The following EVI5 variants were observed in gnomAD, a reference collection of about 807,000 sequenced individuals.
EVI5 encodes ecotropic viral integration site 5 protein homolog.
Under a neutral mutation model 112.0 loss-of-function variants are expected in EVI5, and 73 were observed. The ratio of observed to expected loss-of-function variants is 0.65; its 90% CI spans 0.54 to 0.79. The LOEUF (loss-of-function observed/expected upper bound fraction) is 0.79. EVI5 is among the 30% of genes least tolerant of loss of function. The pLI is 0.00. For synonymous variants in EVI5, 305 were observed against 319.9 expected (o/e 0.95, Z 0.50); for missense variants, 900 against 968.8 (o/e 0.93, Z 0.94).
At chr1:92,556,416 G>A (rs1667691913) in intron 19 of EVI5, among the ~76,000 whole-genome samples, 1 of 152,058 alleles carries the variant, frequency 6.6e-6, no homozygotes, top group South Asian at 2.1e-4. Context: ...AGGACATATA[G>A]TAAGTTCTCA....
At chr1:92,553,717 A>C (rs951997856) in intron 19 of EVI5, among the ~76,000 whole-genome samples, 4 of 151,474 alleles carry the variant, frequency 2.6e-5, no homozygotes, top group African/African-American at 9.7e-5. Context: ...CACAGGTGTG[A>C]GCCACCACGC....
chr1:92,757,907 C>CAAAAAAAAAAAAAAAAAAAAAAAAAAAAA (rs71091299), intron 1 of EVI5, among the ~76,000 whole-genome samples: 1 of 70,292 alleles, frequency 1.4e-5, no homozygotes. Context: ...GACTCTGCCT[C>CAAAAAAAAAAAAAAAAAAAAAAAAAAAAA]AAAAAAAAAA....
chr1:92,550,830 GAT>G (rs1305544765), intron 19 of EVI5, among the ~76,000 whole-genome samples: 4 of 42,802 alleles, frequency 9.3e-5, no homozygotes, highest in Admixed American at 5.3e-4. Context: ...AAAAACAAAA[GAT>G]ATATTCAATT....
In EVI5 at chr1:92,563,676, T is replaced by TC; in HGVS notation, c.2131dup (p.Glu711GlyfsTer12). On this transcript the variant is annotated frameshift_variant, in exon 19 of 20. Transcript: ENST00000684568. LOFTEE classifies it high-confidence loss of function. ...CAGCTCTGCTATCTGATCTTTCAGT[T>TC]CCCCAATATACTGGTTAGAATCAGA... 1 of 1,604,172 alleles carries TC rather than the reference T, an allele frequency of 6.2e-7. No individual in the cohort carries two copies. Among genetic ancestry groups the TC allele is most frequent in the Non-Finnish European group, 8.5e-7 (1 of 1,173,220 alleles).
intron 18 of EVI5, among the ~76,000 whole-genome samples, chr1:92,597,597 T>G (rs1648200644): frequency 6.6e-6 from 1 of 152,220 alleles, no homozygotes; most frequent in South Asian, 2.1e-4. Context: ...TTGATAAATG[T>G]GTGAATATAG....
At chr1:92,662,060 T>C (rs958520816) in intron 13 of EVI5, among the ~76,000 whole-genome samples, 2 of 152,314 alleles carry the variant, frequency 1.3e-5, no homozygotes, top group African/African-American at 4.8e-5. Flanking sequence ...TGAGGCTAGA[T>C]GTACAATTAG....
At chr1:92,531,877 C>T (rs1173011882) in intron 19 of EVI5, among the ~76,000 whole-genome samples, 2 of 152,176 alleles carry the variant, frequency 1.3e-5, no homozygotes, top group South Asian at 2.1e-4. Flanking sequence ...GAAACTGCAA[C>T]AACTAACGGG....
intron 9 of EVI5, among the ~76,000 whole-genome samples, chr1:92,681,631 T>C (rs1018900683): frequency 1.3e-5 from 2 of 152,120 alleles, no homozygotes; most frequent in African/African-American, 4.8e-5. Flanking sequence ...TAAAACCAGA[T>C]CATGTCACTT....
chr1:92,782,233 G>A (rs918566516), intron 1 of EVI5, among the ~76,000 whole-genome samples: 3 of 151,694 alleles, frequency 2.0e-5, no homozygotes, highest in South Asian at 2.1e-4. Flanking sequence ...ACTCTAGCCT[G>A]GCAACAGAGT....
At chr1:92,554,962 A>G (rs781268882) in intron 19 of EVI5, among the ~76,000 whole-genome samples, 4 of 152,210 alleles carry the variant, frequency 2.6e-5, no homozygotes, top group Non-Finnish European at 4.4e-5. Context: ...GCTGGGCCAC[A>G]GAGCAAGACC....
chr1:92,601,905 A>C (rs1649257347), intron 18 of EVI5, among the ~76,000 whole-genome samples: 1 of 152,198 alleles, frequency 6.6e-6, no homozygotes, highest in African/African-American at 2.4e-5. Context: ...AAATATGGCA[A>C]ATTCTTAGGA....
intron 1 of EVI5, among the ~76,000 whole-genome samples, chr1:92,759,398 C>T (rs1238608176): frequency 6.6e-6 from 1 of 152,082 alleles, no homozygotes; most frequent in Non-Finnish European, 1.5e-5. Context: ...GACACCTAAG[C>T]CTCACTCAGA....
At chr1:92,649,466 T>TC (rs1247723560) in intron 13 of EVI5, among the ~76,000 whole-genome samples, 1 of 152,204 alleles carries the variant, frequency 6.6e-6, no homozygotes, top group African/African-American at 2.4e-5. Context: ...AAGATTTATC[T>TC]CTATGTATTC....
At chr1:92,729,584 T>C (rs1486418624) in intron 2 of EVI5, among the ~76,000 whole-genome samples, 1 of 146,114 alleles carries the variant, frequency 6.8e-6, no homozygotes, top group African/African-American at 2.5e-5. Context: ...ATACCAAAGA[T>C]ACCAAAATGT....
At position 92,693,819 on chromosome 1, in the gene EVI5, A is replaced by G; in HGVS notation, c.1080T>C (p.Asn360=). Reference sequence around the variant, plus strand: ...ATACTTACTTTTTCATTTTTTTTGAATTGTATTTGACTTGGTAAGCTGCTT... The same window carrying G: ...ATACTTACTTTTTCATTTTTTTTGAGTTGTATTTGACTTGGTAAGCTGCTT... ...LIQAAYQVKY[N]SKKMKKLEKE... Residue 360 remains asparagine, a synonymous_variant, in exon 9 of 20, where the codon AAT becomes AAC. Transcript: ENST00000684568. 6.3e-7 allele frequency: 1 copy of G among 1,583,452 alleles called. No homozygotes were observed. The highest frequency in any genetic ancestry group is 8.6e-7 in the Non-Finnish European group (1 of 1,157,102).
chr1:92,602,198 A>G (rs1425813948), intron 18 of EVI5, among the ~76,000 whole-genome samples: 2 of 152,212 alleles, frequency 1.3e-5, no homozygotes, highest in African/African-American at 4.8e-5. Flanking sequence ...AAATTTAAAG[A>G]CAAAAGGAAA....
At chr1:92,658,321 T>G in intron 13 of EVI5, among the ~76,000 whole-genome samples, 1 of 152,308 alleles carries the variant, frequency 6.6e-6, no homozygotes. Context: ...TGTTATGATC[T>G]TATACCTAGA....
chr1:92,547,829 A>G (rs1395846473), intron 19 of EVI5, among the ~76,000 whole-genome samples: 4 of 152,230 alleles, frequency 2.6e-5, no homozygotes, highest in African/African-American at 4.8e-5. Context: ...GACCAATAAC[A>G]GGCTCTGAAA....
chr1:92,765,366 T>C (rs1374164231), intron 1 of EVI5, among the ~76,000 whole-genome samples: 4 of 151,626 alleles, frequency 2.6e-5, no homozygotes, highest in Non-Finnish European at 4.4e-5. Context: ...CTTTATGCAT[T>C]TAGCCTTCCT....
Sources: gnomAD v4.1 joint callset for allele counts (sites outside exome capture counted in the v4.1 genomes callset) on GRCh38, gnomAD v4.1.1 for gene constraint, MANE v1.5 for transcripts, NCBI Gene and HGNC (gene_info 2026-07-23, HGNC 2026-07-21) for gene names.